Variants in NSMCE1 observed in about 807,000 individuals in gnomAD.
NSMCE1 encodes non-structural maintenance of chromosomes element 1 homolog.
A neutral mutation model predicts 29.6 loss-of-function variants in NSMCE1; 18 were observed. The observed-to-expected ratio is 0.61, with a 90% CI of 0.42 to 0.90. The LOEUF (loss-of-function observed/expected upper bound fraction) is 0.90. Among genes scored for constraint, NSMCE1 ranks in the 40% least tolerant of loss-of-function variants. The probability of loss-of-function intolerance (pLI) is 0.00; values close to 1 mark genes in which losing one functional copy is unlikely to be tolerated. For missense variants in NSMCE1, 314 were observed against 343.6 expected, an observed-to-expected ratio of 0.91 and a Z score of 0.68; for synonymous variants, 124 against 133.4, an observed-to-expected ratio of 0.93 and a Z score of 0.49.
At chr16:27,240,745 T>C (rs1160789727) in intron 2 of NSMCE1, among the ~76,000 whole-genome samples, 1 of 152,196 alleles carries the variant, frequency 6.6e-6, no homozygotes, top group African/African-American at 2.4e-5. Flanking sequence ...TGTTTTGGAC[T>C]AATTCTGTAT....
At chr16:27,235,421 GGCTGCA>G in intron 2 of NSMCE1, 122 bp from the exon 3 acceptor site, 1 of 1,076,430 alleles carries the variant, frequency 9.3e-7, no homozygotes, top group South Asian at 1.4e-5. Flanking sequence ...CATGGGTGGA[GGCTGCA>G]GCCTCTTGGG....
chr16:27,241,688 AGAG>A, intron 2 of NSMCE1: 1 of 255,094 alleles, frequency 3.9e-6, no homozygotes, highest in South Asian at 3.6e-5. Context: ...AATGCTGGGA[AGAG>A]CCGGGTGGAA....
chr16:27,235,113 C>A, intron 3 of NSMCE1, 65 bp downstream of exon 3: 1 of 1,548,042 alleles, frequency 6.5e-7, no homozygotes. Flanking sequence ...AAAGCAAACA[C>A]AGGCTGCCTG....
intron 2 of NSMCE1, among the ~76,000 whole-genome samples, chr16:27,251,159 A>AATATAT (rs1166070119): frequency 0.063 from 4,097 of 65,404 alleles, 121 homozygotes; most frequent in Non-Finnish European, 0.074. Flanking sequence ...AATTATTTAA[A>AATATAT]ATATATATAT....
At chr16:27,237,511 C>T (rs1266899537) in intron 2 of NSMCE1, among the ~76,000 whole-genome samples, 1 of 152,238 alleles carries the variant, frequency 6.6e-6, no homozygotes, top group Non-Finnish European at 1.5e-5. Flanking sequence ...CTTTTCCACC[C>T]CCAAGGGGAG....
chr16:27,264,816 A>G (rs12448009), intron 1 of NSMCE1, among the ~76,000 whole-genome samples: 53,944 of 152,022 alleles, frequency 0.35, 9,847 homozygotes, highest in East Asian at 0.51. Context: ...CACCAAAAAT[A>G]CCAGAAAGGT....
chr16:27,225,139 C>T lies in NSMCE1; in HGVS notation c.*18G>A, dbSNP rs1176611290. ...TCAGGCCACTCAAGGCAGCCAGCCCCTCAGCAGGGCACGATGGCTAATGCT... is the reference window on the plus strand; with the variant it reads ...TCAGGCCACTCAAGGCAGCCAGCCCTTCAGCAGGGCACGATGGCTAATGCT... On this transcript the variant is annotated 3_prime_UTR_variant, in exon 8 of 8. Coordinates refer to ENST00000361439, the MANE Select transcript of NSMCE1 (RefSeq NM_145080.4). The T allele has an allele frequency of 2.0e-6, 3 of 1,533,204 alleles. No individual in the cohort carries two copies. The highest frequency in any genetic ancestry group is 2.3e-5 in the East Asian group (1 of 43,778). 95.0% of individuals were successfully genotyped at this position (1,533,204 alleles called of 1,614,324 possible).
At chr16:27,231,513 TG>T (rs2083761987) in intron 5 of NSMCE1, among the ~76,000 whole-genome samples, 1 of 152,160 alleles carries the variant, frequency 6.6e-6, no homozygotes, top group African/African-American at 2.4e-5. Flanking sequence ...GGCGCATGCT[TG>T]TGATTCCAGC....
At chr16:27,231,101 G>A (rs770093317) in intron 5 of NSMCE1, among the ~76,000 whole-genome samples, 5 of 152,224 alleles carry the variant, frequency 3.3e-5, no homozygotes, top group East Asian at 1.9e-4. Flanking sequence ...TCGGCTCTAG[G>A]GTCTGGGATA....
intron 1 of NSMCE1, 76 bp from the exon 2 acceptor site, chr16:27,257,657 A>G (rs574030348): frequency 3.9e-5 from 46 of 1,186,202 alleles, no homozygotes; most frequent in Non-Finnish European, 5.0e-5. Flanking sequence ...ACTAATTTAC[A>G]TTAACAAATA....
intron 4 of NSMCE1, 71 bp downstream of exon 4, chr16:27,234,117 C>T: frequency 1.0e-6 from 1 of 1,001,686 alleles, no homozygotes; most frequent in African/African-American, 1.6e-5. Flanking sequence ...GCAGTTGCCA[C>T]TGCTAATGAC....
intron 2 of NSMCE1, among the ~76,000 whole-genome samples, chr16:27,238,269 T>C (rs962453836): frequency 2.0e-5 from 3 of 152,106 alleles, no homozygotes; most frequent in African/African-American, 7.2e-5. Context: ...GCCTCCAGCC[T>C]CACACATGTC....
chr16:27,235,433 T>C (rs2083810552), intron 2 of NSMCE1, 134 bp from the exon 3 acceptor site: 1 of 922,102 alleles, frequency 1.1e-6, no homozygotes, highest in Admixed American at 2.6e-5. Flanking sequence ...CTGCAGCCTC[T>C]TGGGTGAACG....
chr16:27,235,069 T>C, intron 3 of NSMCE1, 109 bp downstream of exon 3: 2 of 1,051,268 alleles, frequency 1.9e-6, no homozygotes, highest in South Asian at 1.5e-5. Flanking sequence ...GAGTGACTTC[T>C]TTGCAAAGAA....
At chr16:27,263,943 T>C (rs1316205123) in intron 1 of NSMCE1, among the ~76,000 whole-genome samples, 1 of 152,230 alleles carries the variant, frequency 6.6e-6, no homozygotes, top group Non-Finnish European at 1.5e-5. Flanking sequence ...CAAGAGGCTT[T>C]GTGTATGTGT....
intron 2 of NSMCE1, among the ~76,000 whole-genome samples, chr16:27,247,875 G>A (rs998911769): frequency 1.8e-4 from 27 of 151,562 alleles, no homozygotes; most frequent in South Asian, 4.2e-4. Context: ...TGCAGTGAGC[G>A]GAGATTGCGC....
At chr16:27,242,742 C>T (rs2083908239) in intron 2 of NSMCE1, among the ~76,000 whole-genome samples, 1 of 152,230 alleles carries the variant, frequency 6.6e-6, no homozygotes, top group African/African-American at 2.4e-5. Flanking sequence ...TGTTCATACA[C>T]ATTTCATCTA....
chr16:27,268,210 GGGCTGTAACATAAGC>G (rs1245020628), intron 1 of NSMCE1: 1 of 152,072 alleles, frequency 6.6e-6, no homozygotes, highest in African/African-American at 2.4e-5. Flanking sequence ...TCTGGCCTCG[GGGCTGTAACATAAGC>G]GGCTGCGGAC....
chr16:27,225,380 G>A (rs946369636), intron 7 of NSMCE1, 144 bp from the exon 8 acceptor site: 13 of 639,958 alleles, frequency 2.0e-5, no homozygotes, highest in African/African-American at 1.1e-4. Context: ...TCCCCAGCCC[G>A]TGAGGAAGGC....
Sources: allele counts gnomAD v4.1 joint callset (sites outside exome capture counted in the v4.1 genomes callset), GRCh38; gene constraint gnomAD v4.1.1; transcripts MANE v1.5; gene names NCBI Gene and HGNC (gene_info 2026-07-23, HGNC 2026-07-21).